The following VAMP3 variants were observed in gnomAD, a reference collection of about 807,000 sequenced individuals.
The protein encoded by VAMP3 is vesicle associated membrane protein 3, also known as vesicle-associated membrane protein 3.
In VAMP3, 11 loss-of-function variants were observed where a neutral mutation model predicts 18.1. That is an observed-to-expected ratio of 0.61 (90% confidence interval 0.38 to 1.00). The LOEUF is 1.00. Among genes scored for constraint, VAMP3 ranks in the 50% least tolerant of loss-of-function variants. VAMP3 has a pLI of 0.01. For missense variants in VAMP3, 122 were observed against 127.3 expected (o/e 0.96, Z 0.20); for synonymous variants, 49 against 43.1 (o/e 1.14, Z -0.53).
chr1:7,771,416 CG>C, intron 1 of VAMP3, 31 bp downstream of exon 1: 1 of 1,553,318 alleles, frequency 6.4e-7, no homozygotes, highest in Non-Finnish European at 8.7e-7. Flanking sequence ...CGGGCGGCTT[CG>C]GGCCCCGCAG....
chr1:7,772,581 G>C (rs936202381), intron 1 of VAMP3: 1 of 152,352 alleles, frequency 6.6e-6, no homozygotes, highest in Non-Finnish European at 1.5e-5. Flanking sequence ...CTTTGATGAA[G>C]ATTTTAAAAG....
Position 7,780,336 on chromosome 1 carries a change from T to C in VAMP3, c.*691T>C, listed in dbSNP as rs573187619. ...GCTTCTATTTTGCCAAAAAGTTAAA[T>C]ACCGATAAAATGGCCTTAAGTGTAT... is the stretch of plus-strand genomic sequence containing the variant. On this transcript the variant is annotated 3_prime_UTR_variant, in exon 5 of 5. Transcript: ENST00000054666. The C allele has an allele frequency of 1.3e-5, 2 of 152,940 alleles. No individual in the cohort carries two copies. The highest frequency in any genetic ancestry group is 4.8e-5 in the African/African-American group (2 of 41,586). The allele number at this position is 152,940 out of a possible 1,614,324, so 9.5% of individuals were successfully genotyped here.
chr1:7,773,477 G>A lies in VAMP3; in HGVS notation c.38G>A (p.Arg13Gln), dbSNP rs2097052473. ...TGPTAATGSN[R>Q]RLQQTQNQVD... ...CCAACTGCTGCCACTGGCAGTAATCGAAGACTTCAGCAGACACAAAATCAA... is the reference window on the plus strand; with the variant it reads ...CCAACTGCTGCCACTGGCAGTAATCAAAGACTTCAGCAGACACAAAATCAA... The change falls in exon 2 of 5, where the codon CGA becomes CAA. Residue 13 changes from arginine to glutamine, a missense_variant. Physicochemically the swap from Arg to Gln is conservative, Grantham distance 43. Coordinates refer to ENST00000054666, the MANE Select transcript of VAMP3 (RefSeq NM_004781.4). 7 of 1,614,038 alleles carry A rather than the reference G, an allele frequency of 4.3e-6. No homozygotes were observed. The highest frequency in any genetic ancestry group is 2.2e-5 in the South Asian group (2 of 91,072).
At chr1:7,771,627 G>T (rs564015001) in intron 1 of VAMP3, among the ~76,000 whole-genome samples, 5 of 152,254 alleles carry the variant, frequency 3.3e-5, no homozygotes, top group African/African-American at 4.8e-5. Flanking sequence ...GACGCTTCCC[G>T]GAGGAAGTGA....
In VAMP3 at chr1:7,779,643, T is replaced by A. The variant is rs2097056098; in HGVS notation, c.301T>A (p.Ter101ArgextTer40). The change falls in exon 5 of 5, where the codon TGA becomes AGA. Residue 101 changes from the stop codon to arginine (R), a stop_lost. Transcript: ENST00000054666. ...CTTCTTAGTGTGGGTTGTCTCTTCA[T>A]GAAGAACCAGCGGAACTCAAAACTG... The part of the protein sequence containing the change: ...IIIIVWVVSS[*>R] 1 of 1,614,194 alleles carries A rather than the reference T, an allele frequency of 6.2e-7. No individual in the cohort carries two copies. Among genetic ancestry groups the A allele is most frequent in the Non-Finnish European group, 8.5e-7 (1 of 1,180,028 alleles).
rs190184013 is a variant in VAMP3, at chr1:7,774,923, G to A, written c.72+1412G>A. Reference sequence around the variant, plus strand: ...TCATTTCTCTTGAATGTATACCTAGGAGTAGCATTGCTAGGTCATAGTAGC... The same window carrying A: ...TCATTTCTCTTGAATGTATACCTAGAAGTAGCATTGCTAGGTCATAGTAGC... On this transcript the variant is annotated intron_variant, in intron 2 of 4. Coordinates refer to ENST00000054666, the MANE Select transcript of VAMP3 (RefSeq NM_004781.4). 2.0e-5 allele frequency among the ~76,000 whole-genome samples: 3 copies of A among 152,272 alleles called. No homozygotes were observed. In the East Asian group the frequency reaches 5.8e-4, roughly 29 times the overall value.
intron 4 of VAMP3, among the ~76,000 whole-genome samples, chr1:7,778,870 T>C (rs2097055664): frequency 6.6e-6 from 1 of 152,108 alleles, no homozygotes; most frequent in Non-Finnish European, 1.5e-5. Context: ...TCTTGTTTGT[T>C]TGTTTGTTTG....
rs2097056286 is a variant in VAMP3 at position 7,780,007 on chromosome 1, G to A, written c.*362G>A. ...TCAGAACCACATTTTAAACCTTTGGGTAATCAGATTTCCAACTTATGCCTT... is the reference window on the plus strand; with the variant it reads ...TCAGAACCACATTTTAAACCTTTGGATAATCAGATTTCCAACTTATGCCTT... On this transcript the variant is annotated 3_prime_UTR_variant, in exon 5 of 5. Coordinates refer to ENST00000054666, the MANE Select transcript of VAMP3 (RefSeq NM_004781.4). 1.9e-5 allele frequency: 4 copies of A among 206,790 alleles called. No individual in the cohort carries two copies. The highest frequency in any genetic ancestry group is 1.1e-4 in the Admixed American group (2 of 17,472). 12.8% of individuals were successfully genotyped at this position (206,790 alleles called of 1,614,324 possible).
rs867800589 is a variant in VAMP3 at position 7,779,811 on chromosome 1, C to T, written c.*166C>T. On this transcript the variant is annotated 3_prime_UTR_variant, in exon 5 of 5. Coordinates refer to ENST00000054666, the MANE Select transcript of VAMP3 (RefSeq NM_004781.4). ...TGCCTTTGTTTTTTAATATGCACTC[C>T]AAATTAGAAGGCCGGCCCCGTCCAC... 1.2e-6 allele frequency: 1 copy of T among 851,594 alleles called. No homozygotes were observed. Among genetic ancestry groups the T allele is most frequent in the Non-Finnish European group, 1.8e-6 (1 of 553,060 alleles). The allele number at this position is 851,594 out of a possible 1,614,324, so 52.8% of individuals were successfully genotyped here. A position where few individuals can be genotyped will look rare whatever the true frequency, so the allele number is the denominator to read the frequency against.
Position 7,778,101 on chromosome 1 carries a change from C to G in VAMP3, c.232-17C>G. 1.2e-6 allele frequency: 2 copies of G among 1,613,738 alleles called. No individual in the cohort carries two copies. Among genetic ancestry groups the G allele is most frequent in the Non-Finnish European group, 1.7e-6 (2 of 1,179,698 alleles). ...GTCTGCATTTGAAATGTGATATGGACATATGTTTTGTTACAGATGTGGGCA... is the reference window on the plus strand; with the variant it reads ...GTCTGCATTTGAAATGTGATATGGAGATATGTTTTGTTACAGATGTGGGCA... On this transcript the variant is annotated splice_polypyrimidine_tract_variant and intron_variant, in intron 3 of 4. Transcript: ENST00000054666.
Position 7,779,818 on chromosome 1 carries a change from G to A in VAMP3, c.*173G>A. On this transcript the variant is annotated 3_prime_UTR_variant, in exon 5 of 5. Coordinates refer to ENST00000054666, the MANE Select transcript of VAMP3 (RefSeq NM_004781.4). ...GTTTTTTAATATGCACTCCAAATTA[G>A]AAGGCCGGCCCCGTCCACATTTTGC... The A allele has an allele frequency of 1.3e-6, 1 of 784,676 alleles. No homozygotes were observed. Among genetic ancestry groups the A allele is most frequent in the African/African-American group, 1.7e-5 (1 of 57,246 alleles). 48.6% of individuals were successfully genotyped at this position (784,676 alleles called of 1,614,324 possible). A position where few individuals can be genotyped will look rare whatever the true frequency, so the allele number is the denominator to read the frequency against.
chr1:7,777,910 C>T (rs952469950), intron 3 of VAMP3, among the ~76,000 whole-genome samples: 1 of 152,202 alleles, frequency 6.6e-6, no homozygotes, highest in Non-Finnish European at 1.5e-5. Flanking sequence ...AGAGGCCACA[C>T]ATCATTTGAA....
In VAMP3 at chr1:7,778,914, G is replaced by T. The variant is rs1309543395; in HGVS notation, c.284-712G>T. Among the ~76,000 whole-genome samples the T allele has an allele frequency of 3.3e-5, 5 of 152,200 alleles. 1 individual carries two copies. The highest frequency in any genetic ancestry group is 7.3e-5 in the Non-Finnish European group (5 of 68,046). On this transcript the variant is annotated intron_variant, in intron 4 of 4. Transcript: ENST00000054666. ...CAGATCTGGTAAATATATAAAAATT[G>T]GCCGGGCTTGGTGGCGCACGCCTGT...
At chr1:7,777,389 A>C (rs148238114) in intron 3 of VAMP3, 71 bp downstream of exon 3, 18 of 1,520,390 alleles carry the variant, frequency 1.2e-5, no homozygotes, top group Non-Finnish European at 1.6e-5. Context: ...CAGGCTACAG[A>C]TAATGGACTT....
intron 2 of VAMP3, among the ~76,000 whole-genome samples, chr1:7,774,906 C>T (rs2097053478): frequency 6.6e-6 from 1 of 152,212 alleles, no homozygotes; most frequent in African/African-American, 2.4e-5. Flanking sequence ...TTTCATTTCT[C>T]TTGAATGTAT....
Position 7,778,533 on chromosome 1 carries a change from C to CA in VAMP3, c.283+376dup, listed in dbSNP as rs888114639. Among the ~76,000 whole-genome samples the CA allele has an allele frequency of 1.5e-3, 205 of 136,456 alleles. No homozygotes were observed. In the Middle Eastern group the frequency reaches 0.019, roughly 12 times the overall value. 89.5% of individuals were successfully genotyped at this position (136,456 alleles called of 152,430 possible). A position where few individuals can be genotyped will look rare whatever the true frequency, so the allele number is the denominator to read the frequency against. On this transcript the variant is annotated intron_variant, in intron 4 of 4. Coordinates refer to ENST00000054666, the MANE Select transcript of VAMP3 (RefSeq NM_004781.4). ...TGGGTGACAGAGTGAGACCTTTTCTCAAAAAAAAAAAAGAAAGGTTCATTT... is the reference window on the plus strand; with the variant it reads ...TGGGTGACAGAGTGAGACCTTTTCTCAAAAAAAAAAAAAGAAAGGTTCATTT...
chr1:7,780,444 CT>C lies in VAMP3; in HGVS notation c.*801del, dbSNP rs2097056539. The C allele has an allele frequency of 6.5e-6, 1 of 152,772 alleles. No individual in the cohort carries two copies. Among genetic ancestry groups the C allele is most frequent in the African/African-American group, 2.4e-5 (1 of 41,442 alleles). 9.5% of individuals were successfully genotyped at this position (152,772 alleles called of 1,614,324 possible). On this transcript the variant is annotated 3_prime_UTR_variant, in exon 5 of 5. Transcript: ENST00000054666. ...TAAAATCATTACCTTGTGTGTGAAC[CT>C]TCTACATCTTCATAGGCCTTTCTTC...
chr1:7,773,557 G>T (rs755728663), intron 2 of VAMP3, 46 bp downstream of exon 2: 17 of 1,523,372 alleles, frequency 1.1e-5, no homozygotes, highest in Non-Finnish European at 1.5e-5. Flanking sequence ...ACAAATATGA[G>T]TACTCTGGAA....
chr1:7,771,837 C>T (rs1202726456), intron 1 of VAMP3, among the ~76,000 whole-genome samples: 1 of 152,270 alleles, frequency 6.6e-6, no homozygotes, highest in African/African-American at 2.4e-5. Flanking sequence ...TAGCTAGGGG[C>T]ATCTGCACTG....
Sources: gnomAD v4.1 joint callset for allele counts (sites outside exome capture counted in the v4.1 genomes callset) on GRCh38, gnomAD v4.1.1 for gene constraint, MANE v1.5 for transcripts, NCBI Gene and HGNC (gene_info 2026-07-23, HGNC 2026-07-21) for gene names.